The following AMPH variants were observed in gnomAD, a reference collection of about 807,000 sequenced individuals.
AMPH encodes amphiphysin, also known as amphiphysin (Stiff-Mann syndrome with breast cancer 128kD autoantigen).
Under a neutral mutation model 99.1 loss-of-function variants are expected in AMPH, and 49 were observed. The ratio of observed to expected loss-of-function variants is 0.49; its 90% CI spans 0.39 to 0.63. The LOEUF (loss-of-function observed/expected upper bound fraction) is 0.63. Among genes scored for constraint, AMPH ranks in the 20% least tolerant of loss-of-function variants. The probability of loss-of-function intolerance (pLI) is 0.00; values close to 1 mark genes in which losing one functional copy is unlikely to be tolerated. For missense variants in AMPH, 759 were observed against 863.4 expected, an observed-to-expected ratio of 0.88 and a Z score of 1.52; for synonymous variants, 314 against 317.3, an observed-to-expected ratio of 0.99 and a Z score of 0.11.
intron 17 of AMPH, among the ~76,000 whole-genome samples, chr7:38,414,362 C>T (rs1296657910): frequency 6.6e-6 from 1 of 152,154 alleles, no homozygotes; most frequent in Non-Finnish European, 1.5e-5. Flanking sequence ...GTCTTCCTTA[C>T]ATTTATATGT....
chr7:38,610,296 GAA>G (rs11317499), intron 1 of AMPH, among the ~76,000 whole-genome samples: 11 of 7,506 alleles, frequency 1.5e-3, no homozygotes, highest in African/African-American at 3.7e-3. Flanking sequence ...AAGAAAGAAA[GAA>G]AAGAAAAGAA....
chr7:38,590,568 G>C (rs928132098), intron 1 of AMPH, among the ~76,000 whole-genome samples: 3 of 152,200 alleles, frequency 2.0e-5, no homozygotes, highest in African/African-American at 4.8e-5. Context: ...CCCAATCATT[G>C]TCCCTCCCCC....
At chr7:38,613,504 G>C (rs1793757451) in intron 1 of AMPH, among the ~76,000 whole-genome samples, 1 of 152,160 alleles carries the variant, frequency 6.6e-6, no homozygotes, top group Non-Finnish European at 1.5e-5. Flanking sequence ...CTTTTTAACA[G>C]ATAATCGGGA....
At chr7:38,454,167 G>A (rs1787143267) in intron 11 of AMPH, among the ~76,000 whole-genome samples, 1 of 152,124 alleles carries the variant, frequency 6.6e-6, no homozygotes, top group Non-Finnish European at 1.5e-5. Flanking sequence ...GAAAACAATA[G>A]CTCAAAGCAT....
At chr7:38,467,026 T>A (rs1787683665) in intron 7 of AMPH, among the ~76,000 whole-genome samples, 1 of 152,242 alleles carries the variant, frequency 6.6e-6, no homozygotes, top group Non-Finnish European at 1.5e-5. Context: ...TACTTATTCA[T>A]AAATACATGT....
chr7:38,388,691 G>T (rs1290290188), intron 20 of AMPH, among the ~76,000 whole-genome samples: 1 of 151,840 alleles, frequency 6.6e-6, no homozygotes, highest in Non-Finnish European at 1.5e-5. Flanking sequence ...CCAGGCTGGA[G>T]TGCAGTGGTG....
intron 18 of AMPH, among the ~76,000 whole-genome samples, chr7:38,393,668 A>T (rs1190468055): frequency 6.6e-6 from 1 of 151,152 alleles, no homozygotes; most frequent in Non-Finnish European, 1.5e-5. Flanking sequence ...CTGAGTGCTC[A>T]CTTCATCACA....
In AMPH at chr7:38,571,322, AT is replaced by A. The variant is rs1455991242; in HGVS notation, c.70-36312del. On this transcript the variant is annotated intron_variant, in intron 1 of 20. Coordinates refer to ENST00000356264, the MANE Select transcript of AMPH (RefSeq NM_001635.4). ...ATGAATATATATATTTATATATAGA[AT>A]ATATATATTTATATATAGAATATAT... Among the ~76,000 whole-genome samples the A allele has an allele frequency of 2.1e-3, 168 of 79,802 alleles. 7 individuals carry two copies. The highest frequency in any genetic ancestry group is 8.2e-3 in the African/African-American group (154 of 18,774). 52.4% of individuals were successfully genotyped at this position (79,802 alleles called of 152,430 possible).
intron 17 of AMPH, among the ~76,000 whole-genome samples, chr7:38,415,696 T>G (rs1050109148): frequency 6.6e-6 from 1 of 152,152 alleles, no homozygotes; most frequent in Non-Finnish European, 1.5e-5. Flanking sequence ...TGATGACCAT[T>G]AGGCAAACTA....
At chr7:38,532,969 T>C (rs10280133) in intron 2 of AMPH, among the ~76,000 whole-genome samples, 47,654 of 152,098 alleles carry the variant, frequency 0.31, 7,913 homozygotes, top group Middle Eastern at 0.36. Context: ...TGTGAATCCT[T>C]AGGTAGGGAA....
chr7:38,432,336 AAAACTTTTTTTGGT>A (rs1786063715), intron 12 of AMPH, 124 bp from the exon 13 acceptor site: 3 of 855,998 alleles, frequency 3.5e-6, no homozygotes, highest in Non-Finnish European at 5.7e-6. Context: ...ACTGTTCAAT[AAAACTTTTTTTGGT>A]GAAGGAAATG....
intron 5 of AMPH, among the ~76,000 whole-genome samples, chr7:38,480,696 A>G (rs111930480): frequency 0.022 from 3,342 of 152,262 alleles, 119 homozygotes; most frequent in African/African-American, 0.076. Context: ...GGCAGAGTAG[A>G]GTGGAAACCC....
intron 11 of AMPH, among the ~76,000 whole-genome samples, chr7:38,451,488 A>G (rs1268156212): frequency 6.6e-6 from 1 of 150,816 alleles, no homozygotes. Context: ...TTTGATTTCC[A>G]GGGACAAAAT....
chr7:38,504,782 T>A (rs1789264369), intron 2 of AMPH, among the ~76,000 whole-genome samples: 1 of 152,174 alleles, frequency 6.6e-6, no homozygotes, highest in Non-Finnish European at 1.5e-5. Flanking sequence ...CACGTCAGTC[T>A]TGTGGGCTCA....
intron 11 of AMPH, among the ~76,000 whole-genome samples, chr7:38,456,186 C>G (rs1041379969): frequency 6.6e-6 from 1 of 152,188 alleles, no homozygotes; most frequent in Admixed American, 6.5e-5. Context: ...GTGGACAAAT[C>G]CCACTGCTGC....
intron 5 of AMPH, among the ~76,000 whole-genome samples, chr7:38,480,705 C>G (rs573952740): frequency 1.3e-5 from 2 of 152,216 alleles, no homozygotes; most frequent in East Asian, 1.9e-4. Context: ...GAGTGGAAAC[C>G]CTTCAATTAG....
intron 2 of AMPH, among the ~76,000 whole-genome samples, chr7:38,511,411 T>C (rs940500942): frequency 6.6e-6 from 1 of 152,226 alleles, no homozygotes; most frequent in Non-Finnish European, 1.5e-5. Flanking sequence ...GACACAGTTA[T>C]ATTTTTCAGA....
At chr7:38,591,146 A>C (rs2129058047) in intron 1 of AMPH, among the ~76,000 whole-genome samples, 1 of 152,288 alleles carries the variant, frequency 6.6e-6, no homozygotes, top group South Asian at 2.1e-4. Context: ...TCTGATTCCC[A>C]TGGCAAGCTC....
chr7:38,541,232 C>T (rs55660201), intron 1 of AMPH, among the ~76,000 whole-genome samples: 6,642 of 151,038 alleles, frequency 0.044, 192 homozygotes, highest in African/African-American at 0.081. Context: ...CCTGTGCTCA[C>T]CCTAACACTA....
Sources: allele counts gnomAD v4.1 joint callset (sites outside exome capture counted in the v4.1 genomes callset), GRCh38; gene constraint gnomAD v4.1.1; transcripts MANE v1.5; gene names NCBI Gene and HGNC (gene_info 2026-07-23, HGNC 2026-07-21).